PRKD1: variants seen among roughly 807,000 people sequenced by gnomAD.
PRKD1 encodes serine/threonine-protein kinase D1.
A neutral mutation model predicts 95.9 loss-of-function variants in PRKD1; 63 were observed. The observed-to-expected ratio is 0.66, with a 90% confidence interval of 0.54 to 0.81. PRKD1 has a LOEUF of 0.81. Among genes scored for constraint, PRKD1 ranks in the 30% least tolerant of loss-of-function variants. PRKD1 has a pLI of 0.00. For synonymous variants in PRKD1, 425 were observed against 423.1 expected (o/e 1.00, Z -0.05); for missense variants, 1,048 against 1,165.3 (o/e 0.90, Z 1.47).
At chr14:29,817,150 T>C (rs975877345) in intron 1 of PRKD1, among the ~76,000 whole-genome samples, 1 of 152,216 alleles carries the variant, frequency 6.6e-6, no homozygotes, top group Non-Finnish European at 1.5e-5. Flanking sequence ...CTGATATCTG[T>C]GAAATTTTGA....
chr14:29,711,135 A>G (rs1005554751), intron 2 of PRKD1, among the ~76,000 whole-genome samples: 2 of 152,178 alleles, frequency 1.3e-5, no homozygotes, highest in African/African-American at 4.8e-5. Context: ...TTGACTCAAC[A>G]GATAAACATT....
At chr14:29,595,657 T>C (rs1266943221) in intron 16 of PRKD1, among the ~76,000 whole-genome samples, 6 of 152,216 alleles carry the variant, frequency 3.9e-5, no homozygotes, top group Admixed American at 6.5e-5. Flanking sequence ...TAATAGGCTA[T>C]AGTTACATAG....
intron 2 of PRKD1, among the ~76,000 whole-genome samples, chr14:29,672,197 C>T (rs1052715222): frequency 5.3e-5 from 8 of 151,618 alleles, no homozygotes; most frequent in African/African-American, 1.9e-4. Flanking sequence ...AAAAATTGGC[C>T]GGGCGTGGTG....
chr14:29,785,051 A>T (rs1483875333), intron 1 of PRKD1, among the ~76,000 whole-genome samples: 1 of 152,178 alleles, frequency 6.6e-6, no homozygotes. Flanking sequence ...TGATCAAGGG[A>T]TGTATGTTAA....
chr14:29,735,524 G>A (rs1485964840), intron 1 of PRKD1, among the ~76,000 whole-genome samples: 2 of 152,164 alleles, frequency 1.3e-5, no homozygotes, highest in Non-Finnish European at 2.9e-5. Flanking sequence ...ATAATAGCTG[G>A]AGAGAAAGAT....
intron 3 of PRKD1, 23 bp from the exon 4 acceptor site, chr14:29,663,882 A>AT (rs1566523625): frequency 2.5e-6 from 4 of 1,605,574 alleles, no homozygotes; most frequent in Non-Finnish European, 3.4e-6. Flanking sequence ...AATAAAAATT[A>AT]TTTTTATTGA....
chr14:29,750,762 T>C lies in PRKD1; in HGVS notation c.265-25088A>G, dbSNP rs532850259. Among the ~76,000 whole-genome samples, 6 of 152,284 alleles carry C rather than the reference T, an allele frequency of 3.9e-5. No homozygotes were observed. The South Asian group carries it at 8.3e-4, about 21-fold the overall frequency. ...CATAGACAGTGGTCCTGGCTGGGAA[T>C]TGACTCCTTTTTCCCTCAAAATTAC... On this transcript the variant is annotated intron_variant, in intron 1 of 17. Coordinates refer to ENST00000331968, the MANE Select transcript of PRKD1 (RefSeq NM_002742.3).
At chr14:29,799,968 G>C (rs1412626960) in intron 1 of PRKD1, among the ~76,000 whole-genome samples, 4 of 152,066 alleles carry the variant, frequency 2.6e-5, no homozygotes, top group Non-Finnish European at 4.4e-5. Flanking sequence ...GGAGCCCCAA[G>C]CATAGTGCTG....
At chr14:29,638,403 C>T in intron 6 of PRKD1, 86 bp downstream of exon 6, 1 of 1,495,198 alleles carries the variant, frequency 6.7e-7, no homozygotes, top group African/African-American at 1.4e-5. Flanking sequence ...GAACCAAAAC[C>T]AAAACCAAAA....
At chr14:29,716,195 A>G (rs988860687) in intron 2 of PRKD1, among the ~76,000 whole-genome samples, 10 of 152,312 alleles carry the variant, frequency 6.6e-5, no homozygotes, top group Admixed American at 2.6e-4. Flanking sequence ...ACAGTAATAG[A>G]TGAAAAGAGA....
intron 1 of PRKD1, among the ~76,000 whole-genome samples, chr14:29,808,812 C>T (rs925797072): frequency 5.3e-5 from 8 of 152,178 alleles, no homozygotes; most frequent in African/African-American, 1.9e-4. Context: ...TTCTTCCAAA[C>T]TCCTCTTATT....
At position 29,633,052 on chromosome 14, in the gene PRKD1, A is replaced by G. The variant is rs541179992; in HGVS notation, c.1315-106T>C. On this transcript the variant is annotated intron_variant, in intron 8 of 17. Coordinates refer to ENST00000331968, the MANE Select transcript of PRKD1 (RefSeq NM_002742.3). ...ATAGGGACATGCGATTTGAGGGTGG[A>G]AAGTGCATGGGCTTTGGGAAAGGCA... 1.2e-5 allele frequency: 12 copies of G among 1,037,942 alleles called. No individual in the cohort carries two copies. The African/African-American group carries it at 1.9e-4, about 16-fold the overall frequency. The allele number at this position is 1,037,942 out of a possible 1,614,324, so 64.3% of individuals were successfully genotyped here. A position where few individuals can be genotyped will look rare whatever the true frequency, so the allele number is the denominator to read the frequency against.
At chr14:29,731,999 G>T (rs555294918) in intron 1 of PRKD1, among the ~76,000 whole-genome samples, 4 of 151,790 alleles carry the variant, frequency 2.6e-5, no homozygotes, top group Admixed American at 2.6e-4. Context: ...TCTGCCTGCC[G>T]AGTAGTTGGG....
At chr14:29,611,746 C>CAAAAAA (rs368153834) in intron 13 of PRKD1, among the ~76,000 whole-genome samples, 4 of 136,578 alleles carry the variant, frequency 2.9e-5, no homozygotes, top group East Asian at 2.1e-4. Context: ...GAATTATTAC[C>CAAAAAA]AAAAAAAAAA....
chr14:29,891,764 A>C (rs1893945771), intron 1 of PRKD1, among the ~76,000 whole-genome samples: 1 of 152,148 alleles, frequency 6.6e-6, no homozygotes, highest in Non-Finnish European at 1.5e-5. Context: ...ACTCACAGAA[A>C]ATATACGCTG....
At chr14:29,619,031 T>C (rs1042141405) in intron 13 of PRKD1, among the ~76,000 whole-genome samples, 1 of 152,214 alleles carries the variant, frequency 6.6e-6, no homozygotes, top group Non-Finnish European at 1.5e-5. Context: ...CCAGCTTCTA[T>C]AAGCTAGAGG....
Position 29,599,754 on chromosome 14 carries a change from CA to C in PRKD1, c.1968del (p.Phe656LeufsTer14). ...TCTCCATGGAGTTTTTCCATAACAA[CA>C]AACACTCTTTCAGGCGTCTCAAACA... Reference protein sequence around the residue: ...ECMFETPERVFVVMEKLHGDM... With the variant: ...ECMFETPERVXVVMEKLHGDM... On this transcript the variant is annotated frameshift_variant, in exon 14 of 18. Coordinates refer to ENST00000331968, the MANE Select transcript of PRKD1 (RefSeq NM_002742.3). LOFTEE classifies it high-confidence loss of function. 1 of 1,613,264 alleles carries C rather than the reference CA, an allele frequency of 6.2e-7. No homozygotes were observed. Among genetic ancestry groups the C allele is most frequent in the Non-Finnish European group, 8.5e-7 (1 of 1,179,620 alleles).
At chr14:29,682,694 TA>T (rs909819699) in intron 2 of PRKD1, among the ~76,000 whole-genome samples, 5 of 152,120 alleles carry the variant, frequency 3.3e-5, no homozygotes, top group East Asian at 1.9e-4. Context: ...TAATAGAAGA[TA>T]AAAAAATGTA....
At chr14:29,667,238 G>A (rs1228910432) in intron 2 of PRKD1, among the ~76,000 whole-genome samples, 1 of 152,120 alleles carries the variant, frequency 6.6e-6, no homozygotes, top group African/African-American at 2.4e-5. Flanking sequence ...ATAAGCACGA[G>A]TCTCAGTTTC....
Sources: allele counts gnomAD v4.1 joint callset (sites outside exome capture counted in the v4.1 genomes callset), GRCh38; gene constraint gnomAD v4.1.1; transcripts MANE v1.5; gene names NCBI Gene and HGNC (gene_info 2026-07-23, HGNC 2026-07-21).